The following RC3H1 variants were observed in gnomAD, a reference collection of about 807,000 sequenced individuals.
The protein encoded by RC3H1 is ring finger and CCCH-type domains 1.
Under a neutral mutation model 138.2 loss-of-function variants are expected in RC3H1, and 50 were observed. That is an observed-to-expected ratio of 0.36 (90% CI 0.29 to 0.46). RC3H1 has a LOEUF of 0.46. Ranked by LOEUF, RC3H1 falls within the 20% of genes least tolerant of loss-of-function variation. RC3H1 has a pLI of 1.00. For missense variants in RC3H1, 1,031 were observed against 1,388.1 expected, an observed-to-expected ratio of 0.74 and a Z score of 4.09; for synonymous variants, 462 against 489.1, an observed-to-expected ratio of 0.94 and a Z score of 0.73.
chr1:173,982,048 T>C (rs976367983), intron 5 of RC3H1, among the ~76,000 whole-genome samples: 4 of 152,348 alleles, frequency 2.6e-5, no homozygotes, highest in Middle Eastern at 3.4e-3. Flanking sequence ...AACTTCATTA[T>C]TGTATATGTG....
rs140858270 is a variant in RC3H1 at position 173,961,084 on chromosome 1, G to A, written c.2363C>T (p.Pro788Leu). 9.3e-6 allele frequency: 15 copies of A among 1,612,230 alleles called. No individual in the cohort carries two copies. The highest frequency in any genetic ancestry group is 4.5e-5 in the East Asian group (2 of 44,804). Residue 788 changes from proline to leucine, a missense_variant, in exon 13 of 20, where the codon CCG becomes CTG. Physicochemically the swap from Pro to Leu is moderately conservative, Grantham distance 98. Around this residue, in one of 7 missense-constraint regions of RC3H1, gnomAD observed 716 missense variants for 837.9 expected, o/e 0.85. Transcript: ENST00000367696. ...TAAAAATGATTTGCTTACTTCTTCC[G>A]GATGAAAGGTAGGAGGCAAGGTTGG... ...PSPTLPPTFHPEEFLDEDLKV... is the reference protein window; with the variant it reads ...PSPTLPPTFHLEEFLDEDLKV...
chr1:173,982,108 G>A (rs557422000), intron 5 of RC3H1, among the ~76,000 whole-genome samples: 9 of 152,244 alleles, frequency 5.9e-5, no homozygotes, highest in South Asian at 4.1e-4. Flanking sequence ...GGCTGGGCGC[G>A]GTGGCTCACG....
chr1:173,941,584 A>G (rs1398647020), intron 18 of RC3H1: 1 of 451,866 alleles, frequency 2.2e-6, no homozygotes, highest in Non-Finnish European at 4.0e-6. Flanking sequence ...AAGCTGGACA[A>G]TAAGACAGAC....
rs1476199536 is a variant in RC3H1, at chr1:174,022,316, T to C, written c.-371A>G. 7.9e-6 allele frequency: 3 copies of C among 381,330 alleles called. No homozygotes were observed. The highest frequency in any genetic ancestry group is 9.3e-6 in the Non-Finnish European group (2 of 215,240). The allele number at this position is 381,330 out of a possible 1,614,324, so 23.6% of individuals were successfully genotyped here. A position where few individuals can be genotyped will look rare whatever the true frequency, so the allele number is the denominator to read the frequency against. On this transcript the variant is annotated 5_prime_UTR_variant, in exon 1 of 20. Transcript: ENST00000367696. The surrounding 1 kb of genome is among the most constrained non-coding windows in gnomAD (Gnocchi z 4.2). Reference sequence around the variant, plus strand: ...GGGGCCATCTTGTTGCTCGGCCTCCTCTTCCTCCTCCTCGTCCTCCGCCGC... The same window carrying C: ...GGGGCCATCTTGTTGCTCGGCCTCCCCTTCCTCCTCCTCGTCCTCCGCCGC...
intron 1 of RC3H1, among the ~76,000 whole-genome samples, chr1:174,000,954 A>AT (rs1661554629): frequency 6.6e-6 from 1 of 152,212 alleles, no homozygotes; most frequent in South Asian, 2.1e-4. Context: ...TCTTCCCAAA[A>AT]TGTATGGACT....
In RC3H1 at chr1:173,999,791, G is replaced by C. The variant is rs1315864044; in HGVS notation, c.-150-6656C>G. Among the ~76,000 whole-genome samples, 4 of 152,162 alleles carry C rather than the reference G, an allele frequency of 2.6e-5. No individual in the cohort carries two copies. In the East Asian group the frequency reaches 7.7e-4, roughly 29 times the overall value. On this transcript the variant is annotated intron_variant, in intron 1 of 19. Transcript: ENST00000367696. The stretch of plus-strand genomic sequence containing the variant: ...CAAAAACTAGGATATTATACTTTCA[G>C]TGCTCTATATACAGTATCTAATTAA...
chr1:173,986,141 C>T (rs969105615), intron 2 of RC3H1, among the ~76,000 whole-genome samples: 1 of 151,918 alleles, frequency 6.6e-6, no homozygotes, highest in Non-Finnish European at 1.5e-5. Flanking sequence ...TCTGCCTCAG[C>T]CTCCCAAGTA....
At position 174,013,725 on chromosome 1, in the gene RC3H1, G is replaced by A. The variant is rs530537607; in HGVS notation, c.-151+8371C>T. ...TGGGATTACAGGCGTGAGCCACCAT[G>A]CTCAGCCACAATGGAATATTATTAA... On this transcript the variant is annotated intron_variant, in intron 1 of 19. Transcript: ENST00000367696. 4.6e-5 allele frequency among the ~76,000 whole-genome samples: 7 copies of A among 152,004 alleles called. No individual in the cohort carries two copies. In the East Asian group the frequency reaches 1.4e-3, roughly 30 times the overall value.
intron 19 of RC3H1, among the ~76,000 whole-genome samples, 154 bp from the exon 20 acceptor site, chr1:173,939,025 G>A (rs2102829478): frequency 6.6e-6 from 1 of 152,038 alleles, no homozygotes; most frequent in East Asian, 1.9e-4. Context: ...CACACAGTTG[G>A]CAAACTAAAG....
At chr1:173,964,722 A>T in intron 10 of RC3H1, 117 bp downstream of exon 10, 1 of 1,036,970 alleles carries the variant, frequency 9.6e-7, no homozygotes. Context: ...CAACAAAATA[A>T]AGGCCAAAAA....
intron 11 of RC3H1, among the ~76,000 whole-genome samples, chr1:173,963,721 A>C (rs1487710881): frequency 6.6e-6 from 1 of 152,146 alleles, no homozygotes; most frequent in Non-Finnish European, 1.5e-5. Flanking sequence ...TTATTTCCAT[A>C]AATATTATAT....
intron 13 of RC3H1, among the ~76,000 whole-genome samples, chr1:173,955,818 G>A (rs1242770712): frequency 6.6e-6 from 1 of 152,060 alleles, no homozygotes; most frequent in Non-Finnish European, 1.5e-5. Context: ...ATGTAACACT[G>A]CTCTCTTCTT....
At chr1:173,984,123 A>T (rs1023438402) in intron 3 of RC3H1, among the ~76,000 whole-genome samples, 3 of 152,234 alleles carry the variant, frequency 2.0e-5, no homozygotes, top group Non-Finnish European at 4.4e-5. Context: ...TAGAAGGCAA[A>T]CCATTCAGAA....
At chr1:173,964,395 T>G (rs944666869) in intron 10 of RC3H1, among the ~76,000 whole-genome samples, 1 of 152,086 alleles carries the variant, frequency 6.6e-6, no homozygotes, top group African/African-American at 2.4e-5. Flanking sequence ...TCTGTTGCTC[T>G]GTCGCTCTGT....
chr1:174,002,986 G>A (rs1661587424), intron 1 of RC3H1, among the ~76,000 whole-genome samples: 1 of 152,058 alleles, frequency 6.6e-6, no homozygotes, highest in African/African-American at 2.4e-5. Context: ...CTGAGTGCCA[G>A]GGCCATATAA....
At chr1:173,979,524 T>C (rs12565352) in intron 6 of RC3H1, among the ~76,000 whole-genome samples, 43,951 of 151,998 alleles carry the variant, frequency 0.29, 11,362 homozygotes, top group African/African-American at 0.7. Flanking sequence ...GGTGTGGTAG[T>C]GCGTGCCTGT....
intron 17 of RC3H1, among the ~76,000 whole-genome samples, chr1:173,945,477 G>A (rs1396595757): frequency 6.6e-6 from 1 of 152,048 alleles, no homozygotes. Context: ...GCAGCATGAT[G>A]GAAAGAACAC....
At chr1:173,983,749 G>A (rs1224250329) in intron 3 of RC3H1, 92 bp from the exon 4 acceptor site, 1 of 1,308,938 alleles carries the variant, frequency 7.6e-7, no homozygotes, top group African/African-American at 1.5e-5. Flanking sequence ...GTGGGTATGT[G>A]ACTAGTTCTG....
chr1:174,010,013 G>A (rs1471945492), intron 1 of RC3H1, among the ~76,000 whole-genome samples: 1 of 151,938 alleles, frequency 6.6e-6, no homozygotes, highest in Non-Finnish European at 1.5e-5. Context: ...TAATATGATG[G>A]TCACTTGGCA....
Sources: gnomAD v4.1 joint callset for allele counts (sites outside exome capture counted in the v4.1 genomes callset) on GRCh38, gnomAD v4.1.1 for gene constraint, gnomAD v4.1.1 regional missense constraint, Gnocchi (gnomAD v3.1) non-coding constraint, MANE v1.5 for transcripts, NCBI Gene and HGNC (gene_info 2026-07-23, HGNC 2026-07-21) for gene names.